The following STARD13 variants were observed in gnomAD, a reference collection of about 807,000 sequenced individuals.
The protein encoded by STARD13 is StAR related lipid transfer domain containing 13, also known as stAR-related lipid transfer protein 13.
A neutral mutation model predicts 106.4 loss-of-function variants in STARD13; 62 were observed. The ratio of observed to expected loss-of-function variants is 0.58; its 90% CI spans 0.48 to 0.72. STARD13 has a LOEUF of 0.72. STARD13 is among the 30% of genes least tolerant of loss of function. STARD13 has a pLI of 0.00. For synonymous variants in STARD13, 565 were observed against 553.0 expected (o/e 1.02, Z -0.31); for missense variants, 1,387 against 1,424.0 (o/e 0.97, Z 0.42).
At chr13:33,674,941 G>A in the STARD13 span, among the ~76,000 whole-genome samples, 1 of 152,180 alleles carries the variant, frequency 6.6e-6, no homozygotes, top group Non-Finnish European at 1.5e-5. Context: ...GAGAAATGTT[G>A]TCAAGTTAAA....
Position 33,129,734 on chromosome 13 carries a change from G to A in STARD13, c.943C>T (p.Pro315Ser), listed in dbSNP as rs767803527. The A allele has an allele frequency of 6.2e-6, 10 of 1,614,132 alleles. No individual in the cohort carries two copies. The highest frequency in any genetic ancestry group is 8.5e-6 in the Non-Finnish European group (10 of 1,180,044). Residue 315 changes from proline (P) to serine (S), a missense_variant, in exon 5 of 14, where the codon CCG (proline) becomes TCG (serine). Physicochemically the swap from Pro to Ser is moderately conservative, Grantham distance 74 (BLOSUM62 -1). Coordinates refer to ENST00000336934, the MANE Select transcript of STARD13 (RefSeq NM_178006.4). ...QIPNGDLQNS[P>S]PPACRKGLPC... ...AGCCCTTTTCTGCAGGCAGGTGGCGGCGAATTCTGGAGATCTCCATTTGGT... is the reference window on the plus strand; with the variant it reads ...AGCCCTTTTCTGCAGGCAGGTGGCGACGAATTCTGGAGATCTCCATTTGGT...
the STARD13 span, among the ~76,000 whole-genome samples, chr13:33,358,768 T>C: frequency 1.3e-5 from 2 of 152,160 alleles, no homozygotes; most frequent in Non-Finnish European, 2.9e-5. Context: ...GGAGAGTCTT[T>C]ATGTCTAGCT....
At chr13:33,507,218 G>A in the STARD13 span, among the ~76,000 whole-genome samples, 5 of 152,084 alleles carry the variant, frequency 3.3e-5, no homozygotes, top group African/African-American at 1.2e-4. Context: ...TAAAAATTCA[G>A]TTGCTATTAA....
At chr13:33,658,026 T>G in the STARD13 span, among the ~76,000 whole-genome samples, 2 of 152,226 alleles carry the variant, frequency 1.3e-5, no homozygotes, top group Non-Finnish European at 2.9e-5. Flanking sequence ...CAGAACTTTT[T>G]CATGATCCCA....
At chr13:33,415,423 G>T in the STARD13 span, among the ~76,000 whole-genome samples, 2 of 152,190 alleles carry the variant, frequency 1.3e-5, no homozygotes, top group Non-Finnish European at 2.9e-5. Flanking sequence ...CTGGGCAGTG[G>T]CAGTAGGAGT....
At chr13:33,422,590 A>G in the STARD13 span, among the ~76,000 whole-genome samples, 178 of 152,312 alleles carry the variant, frequency 1.2e-3, no homozygotes, top group Non-Finnish European at 1.3e-3. Flanking sequence ...CTGGAAAAAA[A>G]TTACTTTAAA....
intron 3 of STARD13, among the ~76,000 whole-genome samples, chr13:33,160,725 A>G (rs2138333143): frequency 6.6e-6 from 1 of 152,332 alleles, no homozygotes; most frequent in Admixed American, 6.5e-5. Flanking sequence ...TTAATACCAG[A>G]CATCTATTAA....
intron 1 of STARD13, among the ~76,000 whole-genome samples, chr13:33,314,247 A>G (rs1209756217): frequency 6.6e-6 from 1 of 152,134 alleles, no homozygotes; most frequent in Non-Finnish European, 1.5e-5. Flanking sequence ...CTGGATAGGT[A>G]CCCAAAGTCC....
At chr13:33,263,452 A>C (rs537349152) in intron 1 of STARD13, among the ~76,000 whole-genome samples, 207 of 152,310 alleles carry the variant, frequency 1.4e-3, no homozygotes, top group African/African-American at 4.9e-3. Context: ...AAATGAGAGA[A>C]CTTTTGGTGG....
chr13:33,307,677 G>C (rs1282318351), intron 1 of STARD13, among the ~76,000 whole-genome samples: 1 of 152,122 alleles, frequency 6.6e-6, no homozygotes, highest in African/African-American at 2.4e-5. Context: ...AGAGGGAAGG[G>C]AGAACATCAG....
chr13:33,519,224 C>CTTTCTTTCTTTCTTTCTTTCTTT, the STARD13 span, among the ~76,000 whole-genome samples: 1 of 144,160 alleles, frequency 6.9e-6, no homozygotes, highest in African/African-American at 2.7e-5. Context: ...TTCTTTCTTT[C>CTTTCTTTCTTTCTTTCTTTCTTT]TTTCTTTCTT....
chr13:33,385,440 G>C, the STARD13 span, among the ~76,000 whole-genome samples: 2 of 129,788 alleles, frequency 1.5e-5, no homozygotes, highest in Non-Finnish European at 3.2e-5. Context: ...ACTGGTAACT[G>C]AGTAAAAGAG....
chr13:33,409,110 A>G, the STARD13 span, among the ~76,000 whole-genome samples: 1 of 151,982 alleles, frequency 6.6e-6, no homozygotes, highest in Non-Finnish European at 1.5e-5. Flanking sequence ...AGAAAGCTCT[A>G]TGAAGTCAAG....
chr13:33,274,305 T>TA (rs1891309496), intron 1 of STARD13, among the ~76,000 whole-genome samples: 1 of 152,016 alleles, frequency 6.6e-6, no homozygotes, highest in Non-Finnish European at 1.5e-5. Flanking sequence ...CTGGTGTCTT[T>TA]ACAAGAGGAG....
At chr13:33,112,002 AG>A (rs1410184599) in intron 9 of STARD13, 110 bp from the exon 10 acceptor site, 3 of 652,582 alleles carry the variant, frequency 4.6e-6, no homozygotes, top group Non-Finnish European at 8.3e-6. Flanking sequence ...TCCAGATCCC[AG>A]GCTTTTGCGT....
the STARD13 span, among the ~76,000 whole-genome samples, chr13:33,407,145 A>G: frequency 0.011 from 1,677 of 152,284 alleles, 82 homozygotes; most frequent in East Asian, 0.14. Flanking sequence ...ATGTAAAATA[A>G]TCTGTTATGC....
At chr13:33,350,551 G>T in exon 1 of STARD13, 1 of 1,427,372 alleles carries the variant, frequency 7.0e-7, no homozygotes, top group Non-Finnish European at 9.2e-7. Context: ...GGCGCGACAT[G>T]GGTCGGTCCG....
In STARD13 at chr13:33,147,578, T is replaced by A. The variant is rs116171082; in HGVS notation, c.324-5205A>T. On this transcript the variant is annotated intron_variant, in intron 3 of 13. Coordinates refer to ENST00000336934, the MANE Select transcript of STARD13 (RefSeq NM_178006.4). ...CAGACTTTAGAGAATTAGTTCCAGA[T>A]ATTCATTAAACAGATAGCAACAATG... 1.1e-3 allele frequency among the ~76,000 whole-genome samples: 160 copies of A among 152,350 alleles called. 1 individual carries two copies. Among genetic ancestry groups the A allele is most frequent in the African/African-American group, 3.7e-3 (152 of 41,578 alleles).
intron 1 of STARD13, among the ~76,000 whole-genome samples, chr13:33,226,965 T>C (rs140563876): frequency 6.6e-6 from 1 of 152,372 alleles, no homozygotes; most frequent in East Asian, 1.9e-4. Context: ...GGCATATGTA[T>C]ATTCATTCGT....
Sources: allele counts gnomAD v4.1 joint callset (sites outside exome capture counted in the v4.1 genomes callset), GRCh38; gene constraint gnomAD v4.1.1; transcripts MANE v1.5; gene names NCBI Gene and HGNC (gene_info 2026-07-23, HGNC 2026-07-21).